NEB: variants seen among roughly 807,000 people sequenced by gnomAD.
The protein encoded by NEB is nemaline myopathy type 2.
A neutral mutation model predicts 952.2 loss-of-function variants in NEB; 512 were observed. That is an observed-to-expected ratio of 0.54 (90% confidence interval 0.50 to 0.58). The LOEUF (loss-of-function observed/expected upper bound fraction) is 0.58, where lower values mean the gene tolerates loss of function less well. Among genes scored for constraint, NEB ranks in the 20% least tolerant of loss-of-function variants. NEB has a pLI of 0.00. For synonymous variants in NEB, 2,900 were observed against 3,149.8 expected, an observed-to-expected ratio of 0.92 and a Z score of 2.66; for missense variants, 8,428 against 9,231.1, an observed-to-expected ratio of 0.91 and a Z score of 3.56.
intron 15 of NEB, 38 bp downstream of exon 15, chr2:151,697,312 T>C (rs1333933554): frequency 6.2e-7 from 1 of 1,610,586 alleles, no homozygotes. Flanking sequence ...CTGAGAAAAA[T>C]GTTATTTGGA....
At chr2:151,704,462 G>C (rs558259277) in intron 13 of NEB, among the ~76,000 whole-genome samples, 63 of 147,318 alleles carry the variant, frequency 4.3e-4, no homozygotes, top group Non-Finnish European at 8.0e-4. Flanking sequence ...CCCCAGCCTC[G>C]CTGCCGCCTT....
At chr2:151,715,093 C>T (rs1385479529) in intron 10 of NEB, among the ~76,000 whole-genome samples, 1 of 152,244 alleles carries the variant, frequency 6.6e-6, no homozygotes, top group Non-Finnish European at 1.5e-5. Context: ...TATTATTACT[C>T]CACAGGGCAA....
In NEB at chr2:151,519,706, G is replaced by A. The variant is rs375181577; in HGVS notation, c.22542C>T (p.Asp7514=). The part of the protein sequence containing the change: ...KGKTPKYNPK[D]SQLYKVMKDA... ...CTTTCATGACTTTGTAGAGCTGGCT[G>A]TCTTTTGGATTGTATTTTGGTGTCT... is the stretch of plus-strand genomic sequence containing the variant. The change falls in exon 154 of 182, where the codon GAC becomes GAT. Residue 7514 remains aspartate (D), a synonymous_variant. Transcript: ENST00000397345. The A allele has an allele frequency of 1.9e-6, 3 of 1,612,934 alleles. No homozygotes were observed. Among genetic ancestry groups the A allele is most frequent in the South Asian group, 2.2e-5 (2 of 91,012 alleles).
At chr2:151,509,923 T>C (rs1191686297) in intron 161 of NEB, among the ~76,000 whole-genome samples, 1 of 152,228 alleles carries the variant, frequency 6.6e-6, no homozygotes, top group South Asian at 2.1e-4. Context: ...TTTTTATTTC[T>C]GTAACTGGTT....
chr2:151,553,647 G>T, intron 126 of NEB, 145 bp from the exon 127 acceptor site: 1 of 858,364 alleles, frequency 1.2e-6, no homozygotes, highest in Non-Finnish European at 1.8e-6. Flanking sequence ...GGGAGCCACA[G>T]AAACATGTGT....
chr2:151,634,159 A>G lies in NEB; in HGVS notation c.9103-194T>C, dbSNP rs139444150. 6.3e-3 allele frequency among the ~76,000 whole-genome samples: 958 copies of G among 152,304 alleles called. 2 individuals are homozygous for G. Among genetic ancestry groups the G allele is most frequent in the African/African-American group, 0.022 (905 of 41,568 alleles). On this transcript the variant is annotated intron_variant, in intron 64 of 181. Coordinates refer to ENST00000397345, the MANE Select transcript of NEB (RefSeq NM_001164508.2). ...TAGATGGAATTCATGTAATTGTAGT[A>G]TATACCCCAAATCACCTACAGCCTG...
chr2:151,547,642 C>T lies in NEB; in HGVS notation c.20254G>A (p.Val6752Ile). ...IRQVKKTQEA[V>I]SELIYKSDFF... is the part of the protein sequence containing the mutation. Reference sequence around the variant, plus strand: ...CCTAAGAAAATACCCACCTCACTGACAGCCTCTTGTGTCTTCTTGACTTGG... The same window carrying T: ...CCTAAGAAAATACCCACCTCACTGATAGCCTCTTGTGTCTTCTTGACTTGG... The change falls in exon 132 of 182, where the codon GTC (valine) becomes ATC (isoleucine). Residue 6752 changes from valine (V) to isoleucine (I), a missense_variant. Val to Ile is a conservative substitution (Grantham distance 29). Transcript: ENST00000397345. 6.2e-7 allele frequency: 1 copy of T among 1,613,714 alleles called. No homozygotes were observed. The highest frequency in any genetic ancestry group is 8.5e-7 in the Non-Finnish European group (1 of 1,179,706).
chr2:151,696,730 G>C lies in NEB; in HGVS notation c.1476C>G (p.Thr492=), dbSNP rs761741250. 2 of 1,613,354 alleles carry C rather than the reference G, an allele frequency of 1.2e-6. No homozygotes were observed. ...TTGTCTTATCTGGATGGACTTTGTAGGTGTGCTGTGGGGAAGCAAAGGCAT... is the reference window on the plus strand; with the variant it reads ...TTGTCTTATCTGGATGGACTTTGTACGTGTGCTGTGGGGAAGCAAAGGCAT... ...IKKLDQCKDH[T]YKVHPDKTKF... The change falls in exon 17 of 182, where the codon ACC becomes ACG. Residue 492 remains threonine, a synonymous_variant. Coordinates refer to ENST00000397345, the MANE Select transcript of NEB (RefSeq NM_001164508.2).
chr2:151,719,818 G>GCAATAAGC (rs953024694), intron 9 of NEB, among the ~76,000 whole-genome samples: 1 of 142,890 alleles, frequency 7.0e-6, no homozygotes, highest in African/African-American at 2.6e-5. Flanking sequence ...GGTGGAGGTT[G>GCAATAAGC]CAATAAGCCA....
chr2:151,611,759 T>C (rs941343942), intron 78 of NEB, among the ~76,000 whole-genome samples: 2 of 152,204 alleles, frequency 1.3e-5, no homozygotes, highest in African/African-American at 4.8e-5. Flanking sequence ...GAGCAACCAA[T>C]TTGAATGTGT....
At chr2:151,542,748 C>G (rs933393523) in intron 135 of NEB, among the ~76,000 whole-genome samples, 1 of 152,192 alleles carries the variant, frequency 6.6e-6, no homozygotes, top group Non-Finnish European at 1.5e-5. Flanking sequence ...ACGTGAGTCA[C>G]CCATCTTTCA....
At chr2:151,573,331 G>A (rs190364700) in intron 107 of NEB, among the ~76,000 whole-genome samples, 1 of 152,190 alleles carries the variant, frequency 6.6e-6, no homozygotes, top group Admixed American at 6.5e-5. Context: ...TAAGGTTCTG[G>A]TGTTTTCAGC....
At position 151,679,887 on chromosome 2, in the gene NEB, T is replaced by A. The variant is rs991737513; in HGVS notation, c.3147+31A>T. On this transcript the variant is annotated intron_variant, in intron 31 of 181. Coordinates refer to ENST00000397345, the MANE Select transcript of NEB (RefSeq NM_001164508.2). ...AGACTGTGTTAGTAAAGTCTGGACA[T>A]ACGCATCAGCCCGTGAGTCCACCCA... The A allele has an allele frequency of 3.1e-6, 5 of 1,604,212 alleles. No homozygotes were observed. The African/African-American group carries it at 5.4e-5, about 17-fold the overall frequency.
At chr2:151,679,133 G>A (rs2099396051) in intron 32 of NEB, among the ~76,000 whole-genome samples, 2 of 151,972 alleles carry the variant, frequency 1.3e-5, no homozygotes, top group Admixed American at 1.3e-4. Context: ...ATGGGGAGGG[G>A]GATTCCACTC....
chr2:151,498,782 CTCT>C (rs1398890354), intron 169 of NEB, among the ~76,000 whole-genome samples: 1 of 152,066 alleles, frequency 6.6e-6, no homozygotes, highest in Non-Finnish European at 1.5e-5. Flanking sequence ...ATACACACAA[CTCT>C]TCTTTTGTTC....
At chr2:151,651,095 C>A (rs2099024184) in intron 52 of NEB, among the ~76,000 whole-genome samples, 2 of 151,960 alleles carry the variant, frequency 1.3e-5, no homozygotes, top group African/African-American at 2.4e-5. Context: ...TTCAGTTTGC[C>A]TTGTTTTCAT....
At chr2:151,666,013 G>A (rs2099212317) in intron 41 of NEB, 77 bp downstream of exon 41, 3 of 1,405,354 alleles carry the variant, frequency 2.1e-6, no homozygotes, top group Non-Finnish European at 2.0e-6. Context: ...GCAGCCAGGT[G>A]TGGGATGGAG....
chr2:151,617,622 A>G (rs2098246517), intron 74 of NEB, 154 bp from the exon 75 acceptor site: 1 of 527,872 alleles, frequency 1.9e-6, no homozygotes, highest in Non-Finnish European at 3.3e-6. Context: ...TTTGTTTCTT[A>G]TTAAAATTCT....
Position 151,610,420 on chromosome 2 carries a change from C to T in NEB, c.12018+96G>A, listed in dbSNP as rs1579178541. The T allele has an allele frequency of 3.7e-5, 33 of 888,560 alleles. No individual in the cohort carries two copies. The East Asian group carries it at 8.0e-4, about 22-fold the overall frequency. 55.0% of individuals were successfully genotyped at this position (888,560 alleles called of 1,614,324 possible). ...AGGTAGGAAGTAGGACTGGAAGGTA[C>T]ATGTGGAAATCACTATAGAGTGTGT... On this transcript the variant is annotated intron_variant, in intron 80 of 181. Coordinates refer to ENST00000397345, the MANE Select transcript of NEB (RefSeq NM_001164508.2).
Sources: allele counts gnomAD v4.1 joint callset (sites outside exome capture counted in the v4.1 genomes callset), GRCh38; gene constraint gnomAD v4.1.1; transcripts MANE v1.5; gene names NCBI Gene and HGNC (gene_info 2026-07-23, HGNC 2026-07-21).